PHAF1: variants seen among roughly 807,000 people sequenced by gnomAD.
The protein encoded by PHAF1 is phagophore assembly factor 1.
Under a neutral mutation model 63.1 loss-of-function variants are expected in PHAF1, and 23 were observed. The observed-to-expected ratio is 0.36, with a 90% CI of 0.26 to 0.52. The LOEUF (loss-of-function observed/expected upper bound fraction) is 0.52, where lower values mean the gene tolerates loss of function less well. Ranked by LOEUF, PHAF1 falls within the 20% of genes least tolerant of loss-of-function variation. The pLI is 0.93. For synonymous variants in PHAF1, 167 were observed against 185.0 expected, an observed-to-expected ratio of 0.90 and a Z score of 0.79; for missense variants, 427 against 517.2, an observed-to-expected ratio of 0.83 and a Z score of 1.69.
intron 1 of PHAF1, among the ~76,000 whole-genome samples, chr16:67,112,381 C>CAA (rs964546436): frequency 6.2e-4 from 28 of 45,300 alleles, no homozygotes; most frequent in African/African-American, 9.2e-4. Flanking sequence ...TCGTTTCTAC[C>CAA]AAAAAAAAAA....
chr16:67,118,766 CTTTT>C (rs910658530), intron 1 of PHAF1, among the ~76,000 whole-genome samples: 1 of 99,994 alleles, frequency 1.0e-5, no homozygotes, highest in Non-Finnish European at 1.9e-5. Context: ...TGATCTTAAA[CTTTT>C]TTTTTTTTTT....
intron 8 of PHAF1, among the ~76,000 whole-genome samples, chr16:67,136,894 C>T (rs986734905): frequency 6.6e-6 from 1 of 152,128 alleles, no homozygotes; most frequent in African/African-American, 2.4e-5. Flanking sequence ...CAGTGGCTCA[C>T]GCCTATAATC....
chr16:67,142,694 G>T (rs1963858052), intron 10 of PHAF1, among the ~76,000 whole-genome samples: 1 of 152,234 alleles, frequency 6.6e-6, no homozygotes, highest in Non-Finnish European at 1.5e-5. Context: ...GGCCTTCTGG[G>T]CCCCTGAGAG....
Position 67,126,595 on chromosome 16 carries a change from G to GTT in PHAF1, c.231+569_231+570dup, listed in dbSNP as rs60445297. Among the ~76,000 whole-genome samples, 80 of 134,182 alleles carry GTT rather than the reference G, an allele frequency of 6.0e-4. 1 individual carries two copies. The highest frequency in any genetic ancestry group is 1.5e-3 in the African/African-American group (55 of 35,872). 88.0% of individuals were successfully genotyped at this position (134,182 alleles called of 152,430 possible). A position where few individuals can be genotyped will look rare whatever the true frequency, so the allele number is the denominator to read the frequency against. On this transcript the variant is annotated intron_variant, in intron 3 of 15. Coordinates refer to ENST00000219139, the MANE Select transcript of PHAF1 (RefSeq NM_025187.5). ...CTGGTTTTCTTTGTTTTTGTTTTTG[G>GTT]TTTTTTTTTTTTTTTTTGAGATGAG...
intron 3 of PHAF1, among the ~76,000 whole-genome samples, chr16:67,131,002 C>T (rs1471404346): frequency 6.6e-6 from 1 of 152,128 alleles, no homozygotes; most frequent in Non-Finnish European, 1.5e-5. Flanking sequence ...CTTGTAATCC[C>T]AGCACTTTGG....
chr16:67,137,016 A>G (rs945815060), intron 8 of PHAF1, among the ~76,000 whole-genome samples: 2 of 152,086 alleles, frequency 1.3e-5, no homozygotes, highest in African/African-American at 4.8e-5. Flanking sequence ...TTAGCCAGGC[A>G]TGGTGGCAGG....
chr16:67,145,550 C>T lies in PHAF1; in HGVS notation c.1051-20C>T. 6.2e-7 allele frequency: 1 copy of T among 1,614,028 alleles called. No homozygotes were observed. The highest frequency in any genetic ancestry group is 8.5e-7 in the Non-Finnish European group (1 of 1,179,938). ...GTTCATGTCCCTACTAACCCCTGCT[C>T]CCCTCTATCCCTCTTGCAGTGGGAC... On this transcript the variant is annotated intron_variant, in intron 13 of 15. Coordinates refer to ENST00000219139, the MANE Select transcript of PHAF1 (RefSeq NM_025187.5).
intron 3 of PHAF1, 141 bp downstream of exon 3, chr16:67,126,183 G>A: frequency 3.1e-6 from 2 of 638,860 alleles, no homozygotes; most frequent in South Asian, 1.8e-5. Flanking sequence ...ACAATGTAGG[G>A]AACTGAAGCT....
At chr16:67,130,861 G>A (rs1597203380) in intron 3 of PHAF1, among the ~76,000 whole-genome samples, 1 of 152,190 alleles carries the variant, frequency 6.6e-6, no homozygotes, top group East Asian at 1.9e-4. Context: ...ATGGACATCT[G>A]TTGAGCAGTC....
chr16:67,146,364 G>A lies in PHAF1; in HGVS notation c.1182+14G>A. 1 of 1,612,094 alleles carries A rather than the reference G, an allele frequency of 6.2e-7. No homozygotes were observed. The highest frequency in any genetic ancestry group is 1.7e-5 in the Admixed American group (1 of 60,026). On this transcript the variant is annotated intron_variant, in intron 15 of 15. Transcript: ENST00000219139. ...ATGATCTTTGAGGTAAGCTGTGGAA[G>A]CCCTAGAAATAAACTGCCTGGGGGG...
At chr16:67,114,599 A>G (rs936522636) in intron 1 of PHAF1, among the ~76,000 whole-genome samples, 1 of 151,730 alleles carries the variant, frequency 6.6e-6, no homozygotes, top group Middle Eastern at 3.2e-3. Flanking sequence ...AAGGTAGATG[A>G]TGTGTGCAGG....
At chr16:67,120,291 C>T (rs1962918850) in intron 2 of PHAF1, 97 bp downstream of exon 2, 4 of 1,135,240 alleles carry the variant, frequency 3.5e-6, no homozygotes, top group Non-Finnish European at 5.1e-6. Context: ...GCAAGGATAG[C>T]TGTGTTCGAA....
At chr16:67,131,263 A>T in intron 3 of PHAF1, 23 bp from the exon 4 acceptor site, 6 of 1,525,098 alleles carry the variant, frequency 3.9e-6, no homozygotes, top group Non-Finnish European at 4.5e-6. Flanking sequence ...CAGAGCATTG[A>T]CAACTCTTAA....
In PHAF1 at chr16:67,146,439, G is replaced by A; in HGVS notation, c.1182+89G>A. On this transcript the variant is annotated intron_variant, in intron 15 of 15. Coordinates refer to ENST00000219139, the MANE Select transcript of PHAF1 (RefSeq NM_025187.5). ...GAATGATGGAGGGAAATTGGGGAGG[G>A]CATCACTGCCATAGTGGGCAGATTC... 3.0e-6 allele frequency: 4 copies of A among 1,338,314 alleles called. No homozygotes were observed. In the South Asian group the frequency reaches 3.5e-5, roughly 12 times the overall value. The allele number at this position is 1,338,314 out of a possible 1,614,324, so 82.9% of individuals were successfully genotyped here.
At chr16:67,120,526 T>G (rs1962929600) in intron 2 of PHAF1, among the ~76,000 whole-genome samples, 1 of 151,502 alleles carries the variant, frequency 6.6e-6, no homozygotes, top group South Asian at 2.1e-4. Flanking sequence ...TCCACTTCCG[T>G]GTTTAAAATT....
chr16:67,129,383 G>A (rs1963306337), intron 3 of PHAF1, among the ~76,000 whole-genome samples: 1 of 152,230 alleles, frequency 6.6e-6, no homozygotes, highest in African/African-American at 2.4e-5. Flanking sequence ...TGCTGTGACG[G>A]CCTAGCAGAG....
At position 67,112,543 on chromosome 16, in the gene PHAF1, CA is replaced by C. The variant is rs879382443; in HGVS notation, c.64+2315del. 2.2e-3 allele frequency among the ~76,000 whole-genome samples: 297 copies of C among 134,502 alleles called. 1 individual carries two copies. Among genetic ancestry groups the C allele is most frequent in the African/African-American group, 4.6e-3 (170 of 36,726 alleles). The allele number at this position is 134,502 out of a possible 152,430, so 88.2% of individuals were successfully genotyped here. A position where few individuals can be genotyped will look rare whatever the true frequency, so the allele number is the denominator to read the frequency against. On this transcript the variant is annotated intron_variant, in intron 1 of 15. Coordinates refer to ENST00000219139, the MANE Select transcript of PHAF1 (RefSeq NM_025187.5). ...AGAGAGAGACCCTGTCTCAAGGAGA[CA>C]AAAAAAAAAAGTAGTTACTAGGATA...
Position 67,110,213 on chromosome 16 carries a change from G to A in PHAF1, c.38G>A (p.Gly13Glu). 1 of 1,552,792 alleles carries A rather than the reference G, an allele frequency of 6.4e-7. No homozygotes were observed. The highest frequency in any genetic ancestry group is 8.7e-7 in the Non-Finnish European group (1 of 1,147,644). The stretch of plus-strand genomic sequence containing the variant: ...GAGGTAGTGCCCGAACGCTCTCTGG[G>A]GAACGAGCAATGGGAATTCACGCTG... ...DLEVVPERSL[G>E]NEQWEFTLGM... Residue 13 changes from glycine (G) to glutamate (E), a missense_variant, in exon 1 of 16, where the codon GGG becomes GAG. Transcript: ENST00000219139.
intron 1 of PHAF1, among the ~76,000 whole-genome samples, chr16:67,116,504 T>C (rs1017251893): frequency 1.3e-5 from 2 of 152,208 alleles, no homozygotes; most frequent in African/African-American, 4.8e-5. Flanking sequence ...TTCCTTTCTC[T>C]TGTCACCCAC....
Sources: gnomAD v4.1 joint callset for allele counts (sites outside exome capture counted in the v4.1 genomes callset) on GRCh38, gnomAD v4.1.1 for gene constraint, MANE v1.5 for transcripts, NCBI Gene and HGNC (gene_info 2026-07-23, HGNC 2026-07-21) for gene names.